PDE11A: variants seen among roughly 807,000 people sequenced by gnomAD.
The protein encoded by PDE11A is dual 3',5'-cyclic-AMP and -GMP phosphodiesterase 11A.
A neutral mutation model predicts 100.5 loss-of-function variants in PDE11A; 100 were observed. That is an observed-to-expected ratio of 1.00 (90% CI 0.85 to 1.18). The LOEUF is 1.18. Ranked by LOEUF, PDE11A falls within the 50% of genes most tolerant of loss-of-function variation. The pLI, the probability that PDE11A is intolerant of heterozygous loss-of-function variation, is 0.00. For synonymous variants in PDE11A, 381 were observed against 420.8 expected, an observed-to-expected ratio of 0.91 and a Z score of 1.16; for missense variants, 1,141 against 1,152.6, an observed-to-expected ratio of 0.99 and a Z score of 0.15.
At chr2:177,669,129 C>T (rs1355489134) in intron 18 of PDE11A, among the ~76,000 whole-genome samples, 3 of 152,188 alleles carry the variant, frequency 2.0e-5, no homozygotes, top group Non-Finnish European at 4.4e-5. Context: ...TAAAATCTAG[C>T]TTCTCAAAGC....
intron 10 of PDE11A, among the ~76,000 whole-genome samples, chr2:177,736,978 C>A (rs1194218996): frequency 6.6e-6 from 1 of 152,072 alleles, no homozygotes; most frequent in Non-Finnish European, 1.5e-5. Context: ...CGGTGGCTCA[C>A]ACCTGTAATC....
intron 19 of PDE11A, among the ~76,000 whole-genome samples, chr2:177,635,168 T>C (rs1024432676): frequency 7.9e-5 from 12 of 152,218 alleles, no homozygotes; most frequent in African/African-American, 2.7e-4. Context: ...TCCTTTATGT[T>C]GGACTGAAAT....
At chr2:177,998,857 C>A in intron 2 of PDE11A, 2 of 606,688 alleles carry the variant, frequency 3.3e-6, no homozygotes, top group East Asian at 2.7e-5. Flanking sequence ...AGCCCACTAC[C>A]TGCACTATTA....
intron 2 of PDE11A, among the ~76,000 whole-genome samples, chr2:177,961,485 T>C (rs965982657): frequency 9.9e-5 from 15 of 152,198 alleles, no homozygotes; most frequent in African/African-American, 3.6e-4. Flanking sequence ...CCCTTCACTA[T>C]TTTTTCCCAT....
chr2:178,070,243 A>G (rs1019213366), intron 1 of PDE11A, among the ~76,000 whole-genome samples: 8 of 152,240 alleles, frequency 5.3e-5, no homozygotes, highest in African/African-American at 1.9e-4. Flanking sequence ...TATAATAAAA[A>G]GTTAACAAAA....
At chr2:177,957,057 T>TAA (rs759250368) in intron 2 of PDE11A, among the ~76,000 whole-genome samples, 52 of 143,590 alleles carry the variant, frequency 3.6e-4, no homozygotes, top group Non-Finnish European at 7.5e-4. Flanking sequence ...ATAATAATAA[T>TAA]AAAATAAAAA....
intron 4 of PDE11A, among the ~76,000 whole-genome samples, chr2:177,894,890 G>A (rs2084585864): frequency 6.6e-6 from 1 of 152,066 alleles, no homozygotes; most frequent in East Asian, 1.9e-4. Context: ...AAGATATCCT[G>A]CCCTTCGGAC....
chr2:177,685,572 G>A (rs536161198), intron 15 of PDE11A, among the ~76,000 whole-genome samples: 5 of 151,690 alleles, frequency 3.3e-5, no homozygotes, highest in Non-Finnish European at 7.4e-5. Flanking sequence ...TTTTTGAGAC[G>A]GAGTTTCGCT....
intron 3 of PDE11A, among the ~76,000 whole-genome samples, chr2:177,902,975 C>G (rs1411809434): frequency 6.6e-6 from 1 of 152,214 alleles, no homozygotes; most frequent in Admixed American, 6.5e-5. Context: ...AGAGTGAACT[C>G]TATTAAAAGT....
At chr2:177,708,164 T>C (rs141934134) in intron 13 of PDE11A, among the ~76,000 whole-genome samples, 1 of 152,320 alleles carries the variant, frequency 6.6e-6, no homozygotes, top group East Asian at 1.9e-4. Flanking sequence ...CAAGACAATG[T>C]ATAAAACAAT....
intron 9 of PDE11A, among the ~76,000 whole-genome samples, chr2:177,804,480 AG>A (rs2082840037): frequency 6.6e-6 from 1 of 151,858 alleles, no homozygotes; most frequent in Non-Finnish European, 1.5e-5. Context: ...TGCTGTTGAT[AG>A]GAATTAGTAA....
At chr2:178,015,500 C>G (rs2086323764) in intron 1 of PDE11A, among the ~76,000 whole-genome samples, 1 of 152,000 alleles carries the variant, frequency 6.6e-6, no homozygotes, top group African/African-American at 2.4e-5. Flanking sequence ...CTGAAGAGAC[C>G]TGAAATCCAA....
chr2:177,887,421 G>A (rs1278599555), intron 4 of PDE11A, among the ~76,000 whole-genome samples: 1 of 151,242 alleles, frequency 6.6e-6, no homozygotes, highest in Non-Finnish European at 1.5e-5. Context: ...TGATTAACGG[G>A]GTCTTAGGAA....
chr2:177,660,097 T>TTC (rs146788797), intron 19 of PDE11A, among the ~76,000 whole-genome samples: 5,360 of 69,204 alleles, frequency 0.077, 453 homozygotes, highest in Middle Eastern at 0.16. Context: ...CTTTCTTTCT[T>TTC]TCTCTCTCTC....
At chr2:177,731,944 C>A (rs10175364) in intron 10 of PDE11A, among the ~76,000 whole-genome samples, 96,462 of 152,052 alleles carry the variant, frequency 0.63, 30,955 homozygotes, top group East Asian at 0.85. Context: ...CTAAAAAAAA[C>A]CTTTATTTTT....
At chr2:178,083,850 T>C (rs964865872) in intron 2 of PDE11A, among the ~76,000 whole-genome samples, 2 of 152,240 alleles carry the variant, frequency 1.3e-5, no homozygotes, top group Non-Finnish European at 2.9e-5. Flanking sequence ...GCTATACTTT[T>C]AGTTTTTCTT....
At chr2:177,738,887 GA>G (rs2081832560) in intron 10 of PDE11A, among the ~76,000 whole-genome samples, 1 of 152,206 alleles carries the variant, frequency 6.6e-6, no homozygotes, top group Non-Finnish European at 1.5e-5. Context: ...TCTAGAGATG[GA>G]CCAGGGTTCG....
At chr2:177,769,415 G>A in intron 9 of PDE11A, 42 bp from the exon 10 acceptor site, 1 of 1,160,682 alleles carries the variant, frequency 8.6e-7, no homozygotes, top group Non-Finnish European at 1.3e-6. Flanking sequence ...AACTAGACAT[G>A]ACTGTATTTT....
intron 19 of PDE11A, among the ~76,000 whole-genome samples, chr2:177,659,283 A>AAAAG (rs1380302640): frequency 7.7e-4 from 117 of 151,712 alleles, no homozygotes; most frequent in Non-Finnish European, 8.0e-4. Context: ...AAAAAAAAAA[A>AAAAG]AAAAAGTGAA....
Sources: allele counts gnomAD v4.1 joint callset (sites outside exome capture counted in the v4.1 genomes callset), GRCh38; gene constraint gnomAD v4.1.1; transcripts MANE v1.5; gene names NCBI Gene and HGNC (gene_info 2026-07-23, HGNC 2026-07-21).